Variants in MAF observed in about 807,000 individuals in gnomAD.
The protein encoded by MAF is MAF bZIP transcription factor, also known as transcription factor Maf.
MAF carries 10 observed loss-of-function variants against 22.0 expected under a neutral mutation model. The ratio of observed to expected loss-of-function variants is 0.45; its 90% CI spans 0.28 to 0.77. The LOEUF is 0.77. Ranked by LOEUF, MAF falls within the 30% of genes least tolerant of loss-of-function variation. The pLI is 0.12. For synonymous variants in MAF, 337 were observed against 255.8 expected (o/e 1.32, Z -3.03); for missense variants, 544 against 548.4 (o/e 0.99, Z 0.08).
At chr16:79,539,974 A>T in the MAF span, among the ~76,000 whole-genome samples, 13 of 152,234 alleles carry the variant, frequency 8.5e-5, no homozygotes, top group African/African-American at 2.6e-4. Context: ...GTAACAAAAA[A>T]ATATATATAT....
chr16:79,558,392 C>A, the MAF span, among the ~76,000 whole-genome samples: 4 of 152,270 alleles, frequency 2.6e-5, 1 homozygote, highest in East Asian at 7.7e-4. Flanking sequence ...GGCTTAAAGT[C>A]GCATATCCTT....
At chr16:79,334,829 C>T in the MAF span, among the ~76,000 whole-genome samples, 6 of 147,116 alleles carry the variant, frequency 4.1e-5, no homozygotes, top group East Asian at 2.0e-4. Context: ...GGCAGTTATA[C>T]GTCAATAAAG....
At chr16:79,305,104 G>A in the MAF span, among the ~76,000 whole-genome samples, 1 of 152,218 alleles carries the variant, frequency 6.6e-6, no homozygotes, top group Non-Finnish European at 1.5e-5. Flanking sequence ...ATTTCGGCTT[G>A]TATTAGAACG....
the MAF span, among the ~76,000 whole-genome samples, chr16:79,447,891 CAA>C: frequency 8.4e-4 from 61 of 72,592 alleles, no homozygotes; most frequent in East Asian, 0.012. Context: ...GATTCCATCT[CAA>C]AAAAAAAAAA....
the MAF span, among the ~76,000 whole-genome samples, chr16:79,214,298 T>C: frequency 6.6e-6 from 1 of 152,192 alleles, no homozygotes; most frequent in African/African-American, 2.4e-5. Context: ...ACTGCTCCTG[T>C]CACACAGCAA....
At chr16:79,214,801 C>A in the MAF span, among the ~76,000 whole-genome samples, 1 of 147,908 alleles carries the variant, frequency 6.8e-6, no homozygotes, top group African/African-American at 2.5e-5. Flanking sequence ...CAACCTCCCT[C>A]CCCGGTTCAA....
At chr16:79,559,660 C>T in the MAF span, among the ~76,000 whole-genome samples, 1 of 152,134 alleles carries the variant, frequency 6.6e-6, no homozygotes, top group African/African-American at 2.4e-5. Context: ...CTGTACATTA[C>T]TATCTGTAAT....
At chr16:79,585,512 A>C (rs577341922), downstream of MAF, among the ~76,000 whole-genome samples, 18 of 152,350 alleles carry the variant, frequency 1.2e-4, no homozygotes, top group South Asian at 3.3e-3. Flanking sequence ...TCTGACACTC[A>C]AGTAGAAGAA....
At chr16:79,546,737 GA>G in the MAF span, among the ~76,000 whole-genome samples, 1 of 152,040 alleles carries the variant, frequency 6.6e-6, no homozygotes, top group Non-Finnish European at 1.5e-5. Context: ...CTATAAATGG[GA>G]AAAATAAGAG....
the MAF span, among the ~76,000 whole-genome samples, chr16:79,481,250 A>G: frequency 6.7e-6 from 1 of 150,134 alleles, no homozygotes; most frequent in Non-Finnish European, 1.5e-5. Flanking sequence ...TTTTTTTAAC[A>G]CTGTTATTGA....
the MAF span, among the ~76,000 whole-genome samples, chr16:79,310,395 G>C: frequency 4.6e-5 from 7 of 152,152 alleles, no homozygotes; most frequent in Non-Finnish European, 1.0e-4. Flanking sequence ...GAGAGAGAGA[G>C]ACAGACAGAG....
the MAF span, among the ~76,000 whole-genome samples, chr16:79,448,239 C>T: frequency 1.3e-5 from 2 of 152,084 alleles, no homozygotes; most frequent in East Asian, 1.9e-4. Context: ...TCATTGTCGT[C>T]CTATTGTAAG....
chr16:79,444,969 G>C, the MAF span, among the ~76,000 whole-genome samples: 1 of 152,142 alleles, frequency 6.6e-6, no homozygotes, highest in Non-Finnish European at 1.5e-5. Flanking sequence ...GTGGAGTTCA[G>C]TTTCTGGCAA....
chr16:79,509,489 C>T, the MAF span, among the ~76,000 whole-genome samples: 1 of 152,226 alleles, frequency 6.6e-6, no homozygotes, highest in Non-Finnish European at 1.5e-5. Context: ...CAGCGGGGCC[C>T]TTGCTGGATG....
chr16:79,331,608 G>A, the MAF span, among the ~76,000 whole-genome samples: 5 of 152,138 alleles, frequency 3.3e-5, no homozygotes, highest in South Asian at 2.1e-4. Context: ...CCTTCTACCC[G>A]CCTCCCTGTT....
At chr16:79,495,257 T>C in the MAF span, among the ~76,000 whole-genome samples, 4 of 152,162 alleles carry the variant, frequency 2.6e-5, no homozygotes, top group African/African-American at 7.2e-5. Flanking sequence ...AAACCAGCAG[T>C]TGGAGACCAG....
the MAF span, among the ~76,000 whole-genome samples, chr16:79,374,967 C>G: frequency 6.6e-5 from 10 of 152,272 alleles, 2 homozygotes; most frequent in African/African-American, 2.4e-4. Flanking sequence ...TATACATAAG[C>G]TCAACTATGT....
intron 1 of MAF, chr16:79,598,477 T>G (rs1913715704): frequency 2.5e-6 from 3 of 1,177,658 alleles, no homozygotes; most frequent in South Asian, 3.6e-5. Context: ...AAAAACAAGC[T>G]AGCAAGTTAT....
At chr16:79,412,920 T>C in the MAF span, among the ~76,000 whole-genome samples, 1 of 152,198 alleles carries the variant, frequency 6.6e-6, no homozygotes, top group East Asian at 1.9e-4. Flanking sequence ...CCTTGCCCTG[T>C]AGGTATGTAA....
Sources: gnomAD v4.1 joint callset for allele counts (sites outside exome capture counted in the v4.1 genomes callset) on GRCh38, gnomAD v4.1.1 for gene constraint, MANE v1.5 for transcripts, NCBI Gene and HGNC (gene_info 2026-07-23, HGNC 2026-07-21) for gene names.